The following SMC6 variants were observed in gnomAD, a reference collection of about 807,000 sequenced individuals.
SMC6 encodes the protein structural maintenance of chromosomes protein 6.
SMC6 carries 79 observed loss-of-function variants against 142.2 expected under a neutral mutation model. The observed-to-expected ratio is 0.56, with a 90% CI of 0.46 to 0.67. The LOEUF is 0.67. SMC6 is among the 30% of genes least tolerant of loss of function. The probability of loss-of-function intolerance (pLI) is 0.00; values close to 1 mark genes in which losing one functional copy is unlikely to be tolerated. For missense variants in SMC6, 1,072 were observed against 1,284.0 expected (o/e 0.83, Z 2.52); for synonymous variants, 411 against 412.4 (o/e 1.00, Z 0.04).
At chr2:17,707,997 TACACACAC>T (rs10540609) in intron 17 of SMC6, among the ~76,000 whole-genome samples, 184 of 148,524 alleles carry the variant, frequency 1.2e-3, no homozygotes, top group African/African-American at 3.3e-3. Flanking sequence ...TGTATATATA[TACACACAC>T]ACACACACAC....
chr2:17,705,574 A>G (rs1261534849), intron 18 of SMC6, among the ~76,000 whole-genome samples: 2 of 152,228 alleles, frequency 1.3e-5, no homozygotes, highest in Admixed American at 1.3e-4. Flanking sequence ...TCTCAAAAAA[A>G]CAAAAAAAAT....
At chr2:17,683,422 A>T (rs941059202) in intron 24 of SMC6, among the ~76,000 whole-genome samples, 1 of 152,212 alleles carries the variant, frequency 6.6e-6, no homozygotes, top group African/African-American at 2.4e-5. Context: ...AAGACCTATT[A>T]AGCATAAAGA....
intron 15 of SMC6, among the ~76,000 whole-genome samples, chr2:17,715,398 T>A (rs577137202): frequency 6.6e-6 from 1 of 151,718 alleles, no homozygotes; most frequent in Non-Finnish European, 1.5e-5. Context: ...AGCCTTCCAA[T>A]GGGGTTCTGA....
chr2:17,684,571 C>G (rs1667365744), intron 23 of SMC6, among the ~76,000 whole-genome samples: 1 of 152,170 alleles, frequency 6.6e-6, no homozygotes, highest in Admixed American at 6.5e-5. Context: ...CACCTATAAT[C>G]CCAGCACTTT....
intron 2 of SMC6, among the ~76,000 whole-genome samples, chr2:17,749,172 T>C (rs1022213140): frequency 2.6e-5 from 4 of 151,986 alleles, no homozygotes; most frequent in African/African-American, 7.3e-5. Flanking sequence ...TAAAGAAACA[T>C]ATTTACAGAT....
chr2:17,717,304 G>A (rs1014611252), intron 12 of SMC6, 128 bp from the exon 13 acceptor site: 1 of 570,402 alleles, frequency 1.8e-6, no homozygotes, highest in Non-Finnish European at 2.9e-6. Flanking sequence ...GCACAAAATG[G>A]CCATTTGAAA....
intron 4 of SMC6, among the ~76,000 whole-genome samples, chr2:17,739,909 C>CACACACAA (rs1473682403): frequency 4.0e-5 from 6 of 149,460 alleles, no homozygotes; most frequent in Admixed American, 4.0e-4. Flanking sequence ...CACACACACA[C>CACACACAA]ACACACACAC....
chr2:17,677,318 A>C (rs1667037143), intron 25 of SMC6, among the ~76,000 whole-genome samples: 1 of 152,178 alleles, frequency 6.6e-6, no homozygotes, highest in South Asian at 2.1e-4. Context: ...CTTTCCTAAG[A>C]CTTAGTCCAT....
intron 25 of SMC6, among the ~76,000 whole-genome samples, chr2:17,675,396 C>T (rs567177726): frequency 5.9e-5 from 9 of 151,988 alleles, no homozygotes; most frequent in African/African-American, 9.7e-5. Flanking sequence ...TTGATTTAGA[C>T]GGCTGAAACT....
chr2:17,745,316 A>G (rs1161275210), intron 3 of SMC6, among the ~76,000 whole-genome samples: 1 of 152,172 alleles, frequency 6.6e-6, no homozygotes, highest in Non-Finnish European at 1.5e-5. Flanking sequence ...AGTGAAACCA[A>G]CTGGGCCTGT....
At chr2:17,677,788 A>G (rs908907627) in intron 25 of SMC6, among the ~76,000 whole-genome samples, 7 of 152,198 alleles carry the variant, frequency 4.6e-5, no homozygotes, top group African/African-American at 1.4e-4. Context: ...GGAGTTACCC[A>G]TGATCTACCA....
intron 11 of SMC6, 132 bp downstream of exon 11, chr2:17,720,808 A>G: frequency 1.4e-6 from 1 of 740,278 alleles, no homozygotes; most frequent in South Asian, 1.9e-5. Flanking sequence ...GGTCTATTTC[A>G]CCTAAGCAAT....
At position 17,731,737 on chromosome 2, in the gene SMC6, A is replaced by G. The variant is rs774600300; in HGVS notation, c.481+4T>C. The stretch of plus-strand genomic sequence containing the variant: ...TAAGAAATGAAAAGAGAATCAAAAC[A>G]AACCTGTTGCACTTTTAAGTTTATA... On this transcript the variant is annotated splice_donor_region_variant and intron_variant, in intron 6 of 27. Transcript: ENST00000448223. The G allele has an allele frequency of 3.7e-5, 59 of 1,609,170 alleles. No individual in the cohort carries two copies. Among genetic ancestry groups the G allele is most frequent in the Non-Finnish European group, 4.7e-5 (55 of 1,178,326 alleles).
intron 5 of SMC6, among the ~76,000 whole-genome samples, chr2:17,734,860 T>C (rs1183706195): frequency 1.3e-5 from 2 of 152,054 alleles, no homozygotes; most frequent in Non-Finnish European, 2.9e-5. Flanking sequence ...GCCTCCCCAA[T>C]AGCTGAGATT....
intron 5 of SMC6, among the ~76,000 whole-genome samples, chr2:17,736,722 A>AT: frequency 6.6e-6 from 1 of 151,816 alleles, no homozygotes; most frequent in East Asian, 1.9e-4. Context: ...AAAAAAAAAA[A>AT]AATTAGCCAG....
At chr2:17,737,320 A>G (rs1670205932) in intron 5 of SMC6, among the ~76,000 whole-genome samples, 1 of 152,230 alleles carries the variant, frequency 6.6e-6, no homozygotes, top group Non-Finnish European at 1.5e-5. Context: ...GGAAAAGTCT[A>G]CTGAATGAGA....
chr2:17,744,178 A>G (rs1164840618), intron 3 of SMC6, among the ~76,000 whole-genome samples: 4 of 152,158 alleles, frequency 2.6e-5, no homozygotes, highest in African/African-American at 9.7e-5. Flanking sequence ...GTGGCTGGAC[A>G]TTCTCACCAG....
chr2:17,752,943 C>T, intron 2 of SMC6, 35 bp downstream of exon 2: 1 of 861,956 alleles, frequency 1.2e-6, no homozygotes, highest in Non-Finnish European at 1.4e-6. Context: ...GGCTCAAACA[C>T]CAAATGATTG....
At chr2:17,722,846 T>C (rs565392159) in intron 9 of SMC6, among the ~76,000 whole-genome samples, 2 of 152,238 alleles carry the variant, frequency 1.3e-5, no homozygotes, top group South Asian at 4.1e-4. Context: ...TATATACTAA[T>C]AGCACACTGA....
Sources: gnomAD v4.1 joint callset for allele counts (sites outside exome capture counted in the v4.1 genomes callset) on GRCh38, gnomAD v4.1.1 for gene constraint, MANE v1.5 for transcripts, NCBI Gene and HGNC (gene_info 2026-07-23, HGNC 2026-07-21) for gene names.